The following SPATC1 variants were observed in gnomAD, a reference collection of about 807,000 sequenced individuals.
SPATC1 encodes spermatogenesis and centriole associated 1.
Under a neutral mutation model 36.5 loss-of-function variants are expected in SPATC1, and 35 were observed. The ratio of observed to expected loss-of-function variants is 0.96; its 90% CI spans 0.73 to 1.27. The LOEUF (loss-of-function observed/expected upper bound fraction) is 1.27. Ranked by LOEUF, SPATC1 falls within the 50% of genes most tolerant of loss-of-function variation. The pLI is 0.00. For synonymous variants in SPATC1, 361 were observed against 353.6 expected (o/e 1.02, Z -0.24); for missense variants, 779 against 796.0 (o/e 0.98, Z 0.26).
chr8:144,021,296 A>G (rs1587493841), intron 1 of SPATC1, among the ~76,000 whole-genome samples: 62 of 111,934 alleles, frequency 5.5e-4, no homozygotes, highest in Admixed American at 1.1e-3. Context: ...CTCTCCCCTC[A>G]GGACCCTCTT....
upstream of SPATC1, among the ~76,000 whole-genome samples, chr8:144,012,170 C>T (rs995229253): frequency 7.9e-5 from 12 of 152,242 alleles, no homozygotes; most frequent in Admixed American, 7.8e-4. Flanking sequence ...ACACAGGACA[C>T]ATCTGCTGGG....
chr8:144,025,054 A>G (rs1834648950), intron 1 of SPATC1, among the ~76,000 whole-genome samples: 1 of 147,524 alleles, frequency 6.8e-6, no homozygotes, highest in Admixed American at 6.7e-5. Flanking sequence ...TCCCCCTAGG[A>G]CCATCTCCCC....
chr8:144,044,440 T>C (rs1258405145), intron 4 of SPATC1, among the ~76,000 whole-genome samples: 14 of 151,052 alleles, frequency 9.3e-5, no homozygotes. Context: ...TAGCTGGGAC[T>C]ACAGGCGCCC....
chr8:144,031,202 C>G (rs1834785451), intron 1 of SPATC1, among the ~76,000 whole-genome samples: 1 of 152,126 alleles, frequency 6.6e-6, no homozygotes, highest in Admixed American at 6.5e-5. Context: ...GTGGGCAGGT[C>G]TACTGGCAAT....
chr8:144,039,398 G>A (rs1462483281), intron 1 of SPATC1, among the ~76,000 whole-genome samples: 2 of 152,366 alleles, frequency 1.3e-5, no homozygotes, highest in South Asian at 2.1e-4. Flanking sequence ...GCCGGGCCAC[G>A]TGAGGCTCTG....
chr8:144,042,850 T>C (rs190671672), intron 4 of SPATC1, among the ~76,000 whole-genome samples: 7 of 151,974 alleles, frequency 4.6e-5, no homozygotes, highest in African/African-American at 1.7e-4. Context: ...CCTTTCCCTA[T>C]TGCAATTTTT....
At chr8:144,036,034 T>C (rs1401405431) in intron 1 of SPATC1, among the ~76,000 whole-genome samples, 2 of 152,140 alleles carry the variant, frequency 1.3e-5, no homozygotes, top group African/African-American at 4.8e-5. Context: ...GTCCTCTCCA[T>C]GGACTGCTTG....
intron 1 of SPATC1, among the ~76,000 whole-genome samples, chr8:144,026,470 G>A (rs2133118680): frequency 6.6e-6 from 1 of 152,228 alleles, no homozygotes; most frequent in African/African-American, 2.4e-5. Flanking sequence ...ATATCTAGGA[G>A]TAGAATTACT....
At chr8:144,039,165 C>T (rs913110622) in intron 1 of SPATC1, among the ~76,000 whole-genome samples, 4 of 152,230 alleles carry the variant, frequency 2.6e-5, no homozygotes, top group African/African-American at 9.6e-5. Flanking sequence ...CTTCTCTGCA[C>T]TCCCACCACT....
At chr8:144,032,259 T>C (rs1393558297) in intron 1 of SPATC1, among the ~76,000 whole-genome samples, 1 of 152,120 alleles carries the variant, frequency 6.6e-6, no homozygotes, top group Non-Finnish European at 1.5e-5. Flanking sequence ...TTTTTCAATT[T>C]AGTTATGGTA....
intron 1 of SPATC1, among the ~76,000 whole-genome samples, chr8:144,020,181 C>A (rs2133104074): frequency 6.6e-6 from 1 of 151,960 alleles, no homozygotes; most frequent in South Asian, 2.1e-4. Context: ...TAAGGACCCT[C>A]CCCGCTCAGG....
At chr8:144,026,873 G>A (rs1381995888) in intron 1 of SPATC1, among the ~76,000 whole-genome samples, 3 of 146,196 alleles carry the variant, frequency 2.1e-5, no homozygotes, top group Admixed American at 6.8e-5. Flanking sequence ...GCAGTGGCGC[G>A]ATCTTGGCTC....
rs1834300973 is a variant in SPATC1 at position 144,012,631 on chromosome 8, C to T, written c.116C>T (p.Ser39Leu). ...ATTCGGGAGAATCACGAGCTCAAGTCAGCGATCAAGACTCAGGCAGGCGGG... is the reference window on the plus strand; with the variant it reads ...ATTCGGGAGAATCACGAGCTCAAGTTAGCGATCAAGACTCAGGCAGGCGGG... ...RLIRENHELKSAIKTQAGGLG... is the reference protein window; with the variant it reads ...RLIRENHELKLAIKTQAGGLG... Residue 39 changes from serine to leucine, a missense_variant, in exon 1 of 5, where the codon TCA becomes TTA. Ser to Leu is a moderately radical substitution (Grantham distance 145, BLOSUM62 -2). Transcript: ENST00000377470. 1 of 1,551,722 alleles carries T rather than the reference C, an allele frequency of 6.4e-7. No homozygotes were observed. Among genetic ancestry groups the T allele is most frequent in the South Asian group, 1.2e-5 (1 of 84,058 alleles).
intron 4 of SPATC1, among the ~76,000 whole-genome samples, chr8:144,042,589 G>A (rs1290533201): frequency 6.6e-6 from 1 of 151,642 alleles, no homozygotes; most frequent in South Asian, 2.1e-4. Flanking sequence ...CCGAAAGTGC[G>A]GGGATGACAG....
intron 1 of SPATC1, among the ~76,000 whole-genome samples, chr8:144,026,439 A>G (rs1293290194): frequency 6.6e-6 from 1 of 152,176 alleles, no homozygotes; most frequent in Non-Finnish European, 1.5e-5. Flanking sequence ...TTGTGCAGAC[A>G]TGTTTCCATC....
At chr8:144,020,105 A>AC (rs1255393163) in intron 1 of SPATC1, among the ~76,000 whole-genome samples, 5 of 148,882 alleles carry the variant, frequency 3.4e-5, no homozygotes, top group Non-Finnish European at 7.4e-5. Context: ...ACAAGACTCT[A>AC]CCCCACAAGA....
At chr8:144,027,431 T>C (rs889381615) in intron 1 of SPATC1, among the ~76,000 whole-genome samples, 3 of 152,230 alleles carry the variant, frequency 2.0e-5, no homozygotes, top group African/African-American at 2.4e-5. Context: ...TTTTGAAACA[T>C]AGAAGCTTTT....
chr8:144,027,605 T>A (rs989784361), intron 1 of SPATC1, among the ~76,000 whole-genome samples: 1 of 152,236 alleles, frequency 6.6e-6, no homozygotes, highest in South Asian at 2.1e-4. Context: ...TACTCCATTC[T>A]GATTTAACTT....
At chr8:144,033,417 G>A (rs1370958502) in intron 1 of SPATC1, among the ~76,000 whole-genome samples, 1 of 151,768 alleles carries the variant, frequency 6.6e-6, no homozygotes, top group Non-Finnish European at 1.5e-5. Flanking sequence ...AAAAAAGAAA[G>A]AAAGAAAAGT....
Sources: allele counts gnomAD v4.1 joint callset (sites outside exome capture counted in the v4.1 genomes callset), GRCh38; gene constraint gnomAD v4.1.1; transcripts MANE v1.5; gene names NCBI Gene and HGNC (gene_info 2026-07-23, HGNC 2026-07-21).